Variants in NFIB observed in about 807,000 individuals in gnomAD.
NFIB encodes the protein nuclear factor 1 B-type.
A neutral mutation model predicts 61.5 loss-of-function variants in NFIB; 11 were observed. The observed-to-expected ratio is 0.18, with a 90% CI of 0.11 to 0.30. The LOEUF is 0.30. Among genes scored for constraint, NFIB ranks in the 10% least tolerant of loss-of-function variants. The pLI is 1.00. For missense variants in NFIB, 471 were observed against 608.9 expected, an observed-to-expected ratio of 0.77 and a Z score of 2.38; for synonymous variants, 260 against 216.5, an observed-to-expected ratio of 1.20 and a Z score of -1.76.
At position 14,360,702 on chromosome 9, in the gene NFIB, G is replaced by A. The variant is rs1314710979; in HGVS notation, c.108+37822C>T. On this transcript the variant is annotated intron_variant, in intron 1 of 8. Coordinates refer to the NFIB transcript ENST00000380934. The stretch of plus-strand genomic sequence containing the variant: ...TGGGACTACAGGCGCCCGCCAATAC[G>A]CCCGGCTAATTTTTTGTATTTTTAG... Among the ~76,000 whole-genome samples the A allele has an allele frequency of 7.2e-5, 11 of 151,930 alleles. No individual in the cohort carries two copies. The East Asian group carries it at 1.6e-3, about 21-fold the overall frequency.
In NFIB at chr9:14,109,601, T is replaced by C. The variant is rs1344069660; in HGVS notation, c.1467+3398A>G. 2.4e-4 allele frequency among the ~76,000 whole-genome samples: 36 copies of C among 152,062 alleles called. 1 individual carries two copies. The highest frequency in any genetic ancestry group is 2.4e-3 in the Admixed American group (36 of 15,262). On this transcript the variant is annotated intron_variant, in intron 10 of 10. Coordinates refer to ENST00000380953, the MANE Select transcript of NFIB (RefSeq NM_001190737.2). ...GATTTTAAGATTTCCCCCATGCCAA[T>C]AGCGAATGCAATAACTAAACCAATA...
chr9:14,201,837 C>T (rs1043752107), intron 2 of NFIB, among the ~76,000 whole-genome samples: 10 of 151,788 alleles, frequency 6.6e-5, no homozygotes, highest in Middle Eastern at 3.2e-3. Flanking sequence ...TCAATTTATA[C>T]AGGTAATTAA....
At chr9:14,278,911 A>C (rs2132410722) in intron 2 of NFIB, among the ~76,000 whole-genome samples, 1 of 152,316 alleles carries the variant, frequency 6.6e-6, no homozygotes, top group East Asian at 1.9e-4. Flanking sequence ...GGAAACTTTC[A>C]CTCAAACACC....
At chr9:14,242,925 T>C (rs1348707783) in intron 2 of NFIB, among the ~76,000 whole-genome samples, 1 of 152,218 alleles carries the variant, frequency 6.6e-6, no homozygotes, top group Admixed American at 6.5e-5. Context: ...AATAACTTTG[T>C]TCTGAACATA....
chr9:14,509,593 C>T, the NFIB span, among the ~76,000 whole-genome samples: 1 of 152,186 alleles, frequency 6.6e-6, no homozygotes, highest in Non-Finnish European at 1.5e-5. Flanking sequence ...AGGGAGCAAA[C>T]GTATCAACAG....
intron 3 of NFIB, among the ~76,000 whole-genome samples, chr9:14,176,359 G>A (rs934436564): frequency 2.0e-5 from 3 of 151,724 alleles, no homozygotes; most frequent in African/African-American, 7.3e-5. Flanking sequence ...AAAATGAAGT[G>A]CTTAGCGCTT....
At chr9:14,471,742 G>T in the NFIB span, among the ~76,000 whole-genome samples, 14 of 152,178 alleles carry the variant, frequency 9.2e-5, no homozygotes, top group African/African-American at 3.4e-4. Flanking sequence ...CATCCGGGAA[G>T]TTTAGTCCAT....
intron 1 of NFIB, among the ~76,000 whole-genome samples, chr9:14,331,157 C>T (rs1430458986): frequency 6.6e-6 from 1 of 152,182 alleles, no homozygotes; most frequent in Non-Finnish European, 1.5e-5. Context: ...ACTGAGGTCT[C>T]ACTATGCTTC....
At chr9:14,280,081 G>A (rs2058269100) in intron 2 of NFIB, among the ~76,000 whole-genome samples, 2 of 152,166 alleles carry the variant, frequency 1.3e-5, no homozygotes, top group Non-Finnish European at 1.5e-5. Flanking sequence ...TTCCCAGGAA[G>A]AGGAATTAAT....
At chr9:14,469,033 A>G in the NFIB span, among the ~76,000 whole-genome samples, 1 of 152,162 alleles carries the variant, frequency 6.6e-6, no homozygotes. Context: ...CAGGCACAAC[A>G]ATGCCCACTT....
At chr9:14,322,143 T>C (rs1219031981) in intron 1 of NFIB, 3 of 1,216,862 alleles carry the variant, frequency 2.5e-6, no homozygotes, top group Non-Finnish European at 3.1e-6. Context: ...AATTGTAATT[T>C]CTGCACTGCC....
chr9:14,274,251 T>TACACACACACACACAC (rs71321975), intron 2 of NFIB, among the ~76,000 whole-genome samples: 2,365 of 123,954 alleles, frequency 0.019, 120 homozygotes, highest in Admixed American at 0.042. Flanking sequence ...TCTTCCTCCC[T>TACACACACACACACAC]ACACACACAC....
chr9:14,148,679 C>G (rs1020256707), intron 5 of NFIB, among the ~76,000 whole-genome samples: 1 of 152,008 alleles, frequency 6.6e-6, no homozygotes, highest in African/African-American at 2.4e-5. Flanking sequence ...CTGACTTCCG[C>G]AAGTGTGCTC....
At chr9:14,260,954 C>A (rs944293697) in intron 2 of NFIB, among the ~76,000 whole-genome samples, 7 of 151,172 alleles carry the variant, frequency 4.6e-5, no homozygotes, top group African/African-American at 1.7e-4. Context: ...TAGCAAGAAA[C>A]CTGTAGGTAT....
intron 3 of NFIB, among the ~76,000 whole-genome samples, chr9:14,156,432 T>A (rs1300353489): frequency 6.6e-6 from 1 of 152,220 alleles, no homozygotes; most frequent in Non-Finnish European, 1.5e-5. Flanking sequence ...ATACAGCAAA[T>A]ACAGAACTTT....
intron 3 of NFIB, among the ~76,000 whole-genome samples, chr9:14,160,111 G>T (rs948506383): frequency 4.6e-5 from 7 of 152,076 alleles, no homozygotes; most frequent in Non-Finnish European, 1.0e-4. Flanking sequence ...TACACTACAT[G>T]TGTGCTTTTT....
intron 10 of NFIB, among the ~76,000 whole-genome samples, chr9:14,107,199 A>C (rs927892573): frequency 1.5e-4 from 23 of 152,000 alleles, no homozygotes; most frequent in Non-Finnish European, 2.9e-4. Context: ...AATTACCTAC[A>C]TGGAGCAAAT....
At chr9:14,274,369 C>T (rs932691971) in intron 2 of NFIB, among the ~76,000 whole-genome samples, 1 of 151,822 alleles carries the variant, frequency 6.6e-6, no homozygotes, top group Non-Finnish European at 1.5e-5. Flanking sequence ...GGGCGGCAGC[C>T]GTGCCAAAAT....
At chr9:14,103,344 G>C (rs578024719) in intron 10 of NFIB, among the ~76,000 whole-genome samples, 2 of 144,460 alleles carry the variant, frequency 1.4e-5, no homozygotes, top group Admixed American at 6.9e-5. Context: ...ATCTGGGTTG[G>C]GGGGGGGGAA....
Sources: gnomAD v4.1 joint callset for allele counts (sites outside exome capture counted in the v4.1 genomes callset) on GRCh38, gnomAD v4.1.1 for gene constraint, MANE v1.5 for transcripts, NCBI Gene and HGNC (gene_info 2026-07-23, HGNC 2026-07-21) for gene names.